The following ADAMTSL5 variants were observed in gnomAD, a reference collection of about 807,000 sequenced individuals.
ADAMTSL5 encodes ADAMTS like 5.
A neutral mutation model predicts 51.7 loss-of-function variants in ADAMTSL5; 53 were observed. The ratio of observed to expected loss-of-function variants is 1.03; its 90% CI spans 0.82 to 1.29. ADAMTSL5 has a LOEUF of 1.29. ADAMTSL5 is among the 50% of genes most tolerant of loss of function. ADAMTSL5 has a pLI of 0.00. For missense variants in ADAMTSL5, 770 were observed against 676.2 expected, an observed-to-expected ratio of 1.14 and a Z score of -1.54; for synonymous variants, 285 against 278.7, an observed-to-expected ratio of 1.02 and a Z score of -0.23.
At chr19:1,509,657 G>GAA (rs1348774916) in intron 5 of ADAMTSL5, among the ~76,000 whole-genome samples, 2 of 92,578 alleles carry the variant, frequency 2.2e-5, no homozygotes, top group African/African-American at 6.9e-5. Context: ...AGGAAGGAAG[G>GAA]GAAGGGAGAA....
chr19:1,508,758 G>A (rs56135389), intron 5 of ADAMTSL5, 188 bp from the exon 6 acceptor site: 24 of 608,478 alleles, frequency 3.9e-5, no homozygotes, highest in Middle Eastern at 2.9e-4. Flanking sequence ...CCTGGGACTC[G>A]CAGGCAAGTA....
Position 1,506,433 on chromosome 19 carries a change from T to C in ADAMTSL5, c.1115-117A>G. The C allele has an allele frequency of 1.4e-6, 2 of 1,454,072 alleles. No homozygotes were observed. Among genetic ancestry groups the C allele is most frequent in the Non-Finnish European group, 1.9e-6 (2 of 1,066,224 alleles). 90.1% of individuals were successfully genotyped at this position (1,454,072 alleles called of 1,614,324 possible). A position where few individuals can be genotyped will look rare whatever the true frequency, so the allele number is the denominator to read the frequency against. On this transcript the variant is annotated intron_variant, in intron 11 of 11. Coordinates refer to ENST00000330475, the MANE Select transcript of ADAMTSL5 (RefSeq NM_213604.3). The surrounding 1 kb of genome is among the most constrained non-coding windows in gnomAD (Gnocchi z 5.6). ...GTGGGACCTCGGGATCTATAGGGACTAGAGTCAGGATCACGTCAGGGATCA... is the reference window on the plus strand; with the variant it reads ...GTGGGACCTCGGGATCTATAGGGACCAGAGTCAGGATCACGTCAGGGATCA...
At chr19:1,512,471 A>G (rs979075495) in intron 1 of ADAMTSL5, among the ~76,000 whole-genome samples, 1 of 152,186 alleles carries the variant, frequency 6.6e-6, no homozygotes, top group Non-Finnish European at 1.5e-5. Context: ...ACCTGAGGTC[A>G]GAAGTTTGGG....
At chr19:1,510,549 A>G in intron 3 of ADAMTSL5, 90 bp downstream of exon 3, 1 of 1,483,094 alleles carries the variant, frequency 6.7e-7, no homozygotes, top group Non-Finnish European at 9.0e-7. Flanking sequence ...TAAAGGGCAC[A>G]GCATGTGTGG....
At position 1,506,226 on chromosome 19, in the gene ADAMTSL5, G is replaced by C; in HGVS notation, c.1205C>G (p.Pro402Arg). The C allele has an allele frequency of 6.3e-7, 1 of 1,598,068 alleles. No individual in the cohort carries two copies. Among genetic ancestry groups the C allele is most frequent in the Non-Finnish European group, 8.5e-7 (1 of 1,170,840 alleles). ...RIQLVYKNRS[P>R]LRAREYVWAP... ...CCACACGTACTCGCGTGCCCGCAGT[G>C]GCGAGCGGTTCTTGTAGACGAGCTG... The change falls in exon 12 of 12, where the codon CCA (proline) becomes CGA (arginine). Residue 402 changes from proline to arginine, a missense_variant. Physicochemically the swap from Pro to Arg is moderately radical, Grantham distance 103. Coordinates refer to ENST00000330475, the MANE Select transcript of ADAMTSL5 (RefSeq NM_213604.3). This position sits in a 1 kb window ranked among gnomAD's most constrained non-coding sequence, Gnocchi z 5.6.
At chr19:1,512,865 G>T (rs528363242) in intron 1 of ADAMTSL5, 98 bp downstream of exon 1, 1 of 152,390 alleles carries the variant, frequency 6.6e-6, no homozygotes, top group Non-Finnish European at 1.5e-5. Flanking sequence ...TCCCCGTGTG[G>T]GCTGCAGCCC....
Position 1,510,737 on chromosome 19 carries a change from G to T in ADAMTSL5, c.100-7C>A. ...GGGTCCACTCGCCCGGACCCTACTT[G>T]GGGAGACAGAGGCACGGTCAGCCTT... On this transcript the variant is annotated splice_polypyrimidine_tract_variant and splice_region_variant and intron_variant, in intron 2 of 11. Coordinates refer to ENST00000330475, the MANE Select transcript of ADAMTSL5 (RefSeq NM_213604.3). The T allele has an allele frequency of 6.5e-7, 1 of 1,531,064 alleles. No homozygotes were observed. The highest frequency in any genetic ancestry group is 8.8e-7 in the Non-Finnish European group (1 of 1,135,910). The allele number at this position is 1,531,064 out of a possible 1,614,324, so 94.8% of individuals were successfully genotyped here.
Position 1,506,510 on chromosome 19 carries a change from G to A in ADAMTSL5, c.1114+80C>T. 1.3e-6 allele frequency: 2 copies of A among 1,528,536 alleles called. No homozygotes were observed. Among genetic ancestry groups the A allele is most frequent in the South Asian group, 2.4e-5 (2 of 85,080 alleles). The allele number at this position is 1,528,536 out of a possible 1,614,324, so 94.7% of individuals were successfully genotyped here. A position where few individuals can be genotyped will look rare whatever the true frequency, so the allele number is the denominator to read the frequency against. On this transcript the variant is annotated intron_variant, in intron 11 of 11. Transcript: ENST00000330475. This position sits in a 1 kb window ranked among gnomAD's most constrained non-coding sequence, Gnocchi z 5.6. ...TTAGGATCAGAAGAAGGGGTCAAGG[G>A]TAAAGTCAGATTAGGGTCAGAGGTC...
rs766067401 is a variant in ADAMTSL5, at chr19:1,508,013, C to T, written c.586G>A (p.Val196Met). Residue 196 changes from valine to methionine, a missense_variant, in exon 7 of 12, where the codon GTG (valine) becomes ATG (methionine). Val to Met is a conservative substitution (Grantham distance 21). Transcript: ENST00000330475. The stretch of plus-strand genomic sequence containing the variant: ...AGGTAGTCACCGGCGTCACGAAACA[C>T]GCGCTGCACGAAAAGGCACGAGTCG... ...ANDSCLFVQRVFRDAGAFAGY... is the reference protein window; with the variant it reads ...ANDSCLFVQRMFRDAGAFAGY... 3.1e-6 allele frequency: 5 copies of T among 1,601,272 alleles called. No homozygotes were observed. The South Asian group carries it at 4.5e-5, about 14-fold the overall frequency.
At chr19:1,507,678 G>T (rs764696246) in intron 7 of ADAMTSL5, 35 bp from the exon 8 acceptor site, 1 of 1,584,302 alleles carries the variant, frequency 6.3e-7, no homozygotes, top group East Asian at 2.2e-5. Context: ...TGGGGTGCCA[G>T]TGGGGGTGTA....
Position 1,506,086 on chromosome 19 carries a change from C to A in ADAMTSL5, c.1345G>T (p.Gly449Cys). Reference sequence around the variant, plus strand: ...GCAGGGCTCCAGGGCCGGGCGTAGCCGGCGTGGGGCAGCAGCAGCTGGTCC... The same window carrying A: ...GCAGGGCTCCAGGGCCGGGCGTAGCAGGCGTGGGGCAGCAGCAGCTGGTCC... ...TQDQLLLPHA[G>C]YARPWSPAED... The change falls in exon 12 of 12, where the codon GGC (glycine) becomes TGC (cysteine). Residue 449 changes from glycine (G) to cysteine (C), a missense_variant. Physicochemically the swap from Gly to Cys is radical, Grantham distance 159. Transcript: ENST00000330475. The surrounding 1 kb of genome is among the most constrained non-coding windows in gnomAD (Gnocchi z 5.6). 6.2e-7 allele frequency: 1 copy of A among 1,601,328 alleles called. No homozygotes were observed. The highest frequency in any genetic ancestry group is 1.1e-5 in the South Asian group (1 of 89,854).
chr19:1,507,148 G>A, intron 9 of ADAMTSL5, 94 bp downstream of exon 9: 1 of 1,418,140 alleles, frequency 7.1e-7, no homozygotes, highest in Admixed American at 2.8e-5. Flanking sequence ...TCCCCCTTCT[G>A]GCCCCAGTCA....
chr19:1,508,400 T>A, intron 6 of ADAMTSL5, 43 bp downstream of exon 6: 1 of 802,306 alleles, frequency 1.2e-6, no homozygotes, highest in Non-Finnish European at 1.5e-6. Context: ...GGGGCCTGAG[T>A]GGGAGGTGGG....
rs192448735 is a variant in ADAMTSL5, at chr19:1,506,026, A to G, written c.1405T>C (p.Cys469Arg). Reference protein sequence around the residue: ...DSRIRLTARRCPG With the variant: ...DSRIRLTARRRPG ...GCTCCTGCAGGGGCTCAGCCAGGAC[A>G]GCGCCGGGCAGTCAGGCGTATGCGG... The change falls in exon 12 of 12, where the codon TGT becomes CGT. Residue 469 changes from cysteine (C) to arginine (R), a missense_variant. Physicochemically the swap from Cys to Arg is radical, Grantham distance 180 (BLOSUM62 -3). Transcript: ENST00000330475. The surrounding 1 kb of genome is among the most constrained non-coding windows in gnomAD (Gnocchi z 5.6). 7.2e-5 allele frequency: 113 copies of G among 1,568,640 alleles called. No individual in the cohort carries two copies. The African/African-American group carries it at 1.2e-3, about 17-fold the overall frequency.
At chr19:1,510,499 C>A in intron 3 of ADAMTSL5, 71 bp from the exon 4 acceptor site, 1 of 1,520,810 alleles carries the variant, frequency 6.6e-7, no homozygotes, top group South Asian at 1.2e-5. Context: ...ACCCTCCGCC[C>A]CCGCCAACCC....
chr19:1,511,907 C>T (rs960398129), intron 1 of ADAMTSL5: 11 of 224,286 alleles, frequency 4.9e-5, no homozygotes, highest in East Asian at 1.3e-4. Context: ...ATGGCCTCAT[C>T]GGCGGAGGGG....
chr19:1,506,901 T>C lies in ADAMTSL5; in HGVS notation c.880A>G (p.Ile294Val). The change falls in exon 10 of 12, where the codon ATC becomes GTC. Residue 294 changes from isoleucine to valine, a missense_variant. By Grantham distance (29) the Ile-to-Val change is conservative. Coordinates refer to ENST00000330475, the MANE Select transcript of ADAMTSL5 (RefSeq NM_213604.3). This position sits in a 1 kb window ranked among gnomAD's most constrained non-coding sequence, Gnocchi z 5.6. Reference sequence around the variant, plus strand: ...CGAGGGAGCCAGAACTCAAACTCGATGCCAGGGTTGGGCTCCTGCAGGAGG... The same window carrying C: ...CGAGGGAGCCAGAACTCAAACTCGACGCCAGGGTTGGGCTCCTGCAGGAGG... ...QVLLQEPNPG[I>V]EFEFWLPRER... is the part of the protein sequence containing the mutation. 1.3e-6 allele frequency: 2 copies of C among 1,548,868 alleles called. No individual in the cohort carries two copies. Among genetic ancestry groups the C allele is most frequent in the Admixed American group, 2.0e-5 (1 of 50,610 alleles).
At chr19:1,507,030 C>T (rs1912970921) in intron 9 of ADAMTSL5, 102 bp from the exon 10 acceptor site, 4 of 1,364,484 alleles carry the variant, frequency 2.9e-6, no homozygotes, top group Admixed American at 2.7e-5. Context: ...CCTGTCTGCC[C>T]CCAGCCTCCC....
rs966691814 is a variant in ADAMTSL5 at position 1,509,946 on chromosome 19, G to C, written c.361+204C>G. On this transcript the variant is annotated intron_variant, in intron 5 of 11. Transcript: ENST00000330475. ...AAGTCAATCCTTAGTTGGGTGTTCA[G>C]CCCTGTGCAGAATGAACCCTGCTTC... 2.0e-5 allele frequency among the ~76,000 whole-genome samples: 3 copies of C among 152,088 alleles called. No individual in the cohort carries two copies. The South Asian group carries it at 6.2e-4, about 31-fold the overall frequency.
Sources: gnomAD v4.1 joint callset for allele counts (sites outside exome capture counted in the v4.1 genomes callset) on GRCh38, gnomAD v4.1.1 for gene constraint, Gnocchi (gnomAD v3.1) non-coding constraint, MANE v1.5 for transcripts, NCBI Gene and HGNC (gene_info 2026-07-23, HGNC 2026-07-21) for gene names.